The following CNBD2 variants were observed in gnomAD, a reference collection of about 807,000 sequenced individuals.
CNBD2 encodes the protein cyclic nucleotide binding domain containing 2.
In CNBD2, 64 loss-of-function variants were observed where a neutral mutation model predicts 63.7. The observed-to-expected ratio is 1.00, with a 90% CI of 0.82 to 1.24. The LOEUF (loss-of-function observed/expected upper bound fraction) is 1.24. CNBD2 is among the 50% of genes most tolerant of loss of function. The probability of loss-of-function intolerance (pLI) is 0.00; values close to 1 mark genes in which losing one functional copy is unlikely to be tolerated. For synonymous variants in CNBD2, 229 were observed against 255.4 expected, an observed-to-expected ratio of 0.90 and a Z score of 0.99; for missense variants, 691 against 713.5, an observed-to-expected ratio of 0.97 and a Z score of 0.36.
At chr20:35,990,742 G>A (rs1358157700) in intron 7 of CNBD2, among the ~76,000 whole-genome samples, 1 of 152,140 alleles carries the variant, frequency 6.6e-6, no homozygotes, top group African/African-American at 2.4e-5. Flanking sequence ...CTTGAGGCCA[G>A]GGGTTTGAGA....
Position 36,011,237 on chromosome 20 carries a change from G to A in CNBD2, c.1249G>A (p.Val417Met), listed in dbSNP as rs1247166487. The change falls in exon 10 of 12, where the codon GTG (valine) becomes ATG (methionine). Residue 417 changes from valine (V) to methionine (M), a missense_variant. By Grantham distance (21) the Val-to-Met change is conservative. Coordinates refer to ENST00000373973, the MANE Select transcript of CNBD2 (RefSeq NM_001365709.1). ...AVGAYVKVHT[V>M]EQGEILGLHQ... ...GGGGGCCTACGTGAAGGTGCACACTGTGGAGCAGGGAGAAATTTTGGTGAG... is the reference window on the plus strand; with the variant it reads ...GGGGGCCTACGTGAAGGTGCACACTATGGAGCAGGGAGAAATTTTGGTGAG... The A allele has an allele frequency of 1.9e-6, 3 of 1,568,984 alleles. No homozygotes were observed. Among genetic ancestry groups the A allele is most frequent in the Non-Finnish European group, 2.6e-6 (3 of 1,156,462 alleles).
chr20:36,017,889 C>T (rs2057156633), intron 10 of CNBD2, among the ~76,000 whole-genome samples: 1 of 152,238 alleles, frequency 6.6e-6, no homozygotes, highest in Admixed American at 6.5e-5. Flanking sequence ...TCACCTGCCT[C>T]CCAGCCTCCA....
upstream of CNBD2, chr20:35,954,706 A>T: frequency 5.8e-6 from 6 of 1,042,610 alleles, no homozygotes; most frequent in Non-Finnish European, 7.6e-6. Context: ...ATGTTTGGAG[A>T]TAGACTTCAA....
rs372470547 is a variant in CNBD2 at position 36,030,586 on chromosome 20, C to G, written c.1669C>G (p.Pro557Ala). 34 of 1,614,156 alleles carry G rather than the reference C, an allele frequency of 2.1e-5. 1 individual carries two copies. The South Asian group carries it at 2.5e-4, about 12-fold the overall frequency. ...TATGGCACCCCAGAAATACCTCCCC[C>G]CATTGAGGATTGTCCAAGCCATCAA... is the stretch of plus-strand genomic sequence containing the variant. ...IFMAPQKYLP[P>A]LRIVQAIKAP... Residue 557 changes from proline to alanine, a missense_variant, in exon 12 of 12, where the codon CCA becomes GCA. By Grantham distance (27) the Pro-to-Ala change is conservative. Coordinates refer to ENST00000373973, the MANE Select transcript of CNBD2 (RefSeq NM_001365709.1).
chr20:35,998,640 G>T (rs983107948), intron 8 of CNBD2, among the ~76,000 whole-genome samples: 1 of 151,766 alleles, frequency 6.6e-6, no homozygotes, highest in South Asian at 2.1e-4. Context: ...AGGCCAAGGC[G>T]GGCAGATCAC....
rs142435660 is a variant in CNBD2 at position 35,998,068 on chromosome 20, G to C, written c.970+2916G>C. Among the ~76,000 whole-genome samples, 428 of 138,622 alleles carry C rather than the reference G, an allele frequency of 3.1e-3. 3 individuals carry two copies. The highest frequency in any genetic ancestry group is 0.011 in the African/African-American group (412 of 36,486). 90.9% of individuals were successfully genotyped at this position (138,622 alleles called of 152,430 possible). ...TTTTTTTTTTTTTTTTTGAGAGGGAGTCTCGCTCTGTCACCCAGGCTGGAG... is the reference window on the plus strand; with the variant it reads ...TTTTTTTTTTTTTTTTTGAGAGGGACTCTCGCTCTGTCACCCAGGCTGGAG... On this transcript the variant is annotated intron_variant, in intron 8 of 11. Coordinates refer to ENST00000373973, the MANE Select transcript of CNBD2 (RefSeq NM_001365709.1).
intron 8 of CNBD2, among the ~76,000 whole-genome samples, chr20:35,996,979 T>A (rs1370029003): frequency 1.3e-5 from 2 of 152,224 alleles, no homozygotes; most frequent in African/African-American, 4.8e-5. Context: ...TTCTTCATTC[T>A]CCATTTCCTG....
intron 8 of CNBD2, among the ~76,000 whole-genome samples, chr20:36,001,386 C>T (rs2056898814): frequency 6.7e-6 from 1 of 148,272 alleles, no homozygotes; most frequent in Non-Finnish European, 1.5e-5. Flanking sequence ...CCACCTCCCT[C>T]CCGGACAGGG....
chr20:35,954,593 T>G, upstream of CNBD2: 2 of 1,407,508 alleles, frequency 1.4e-6, no homozygotes, highest in Non-Finnish European at 1.9e-6. Context: ...AGGCGGCTGC[T>G]GCCCTCGCGG....
chr20:35,956,728 G>A (rs1334369066), downstream of CNBD2, among the ~76,000 whole-genome samples: 1 of 152,126 alleles, frequency 6.6e-6, no homozygotes, highest in Non-Finnish European at 1.5e-5. Flanking sequence ...CAGTTTCTAG[G>A]CCTAAGGGAG....
chr20:35,960,501 C>T, intron 2 of CNBD2, among the ~76,000 whole-genome samples: 1 of 152,190 alleles, frequency 6.6e-6, no homozygotes, highest in East Asian at 1.9e-4. Context: ...CGCCATGCCC[C>T]ACTAATTGTT....
upstream of CNBD2, among the ~76,000 whole-genome samples, chr20:35,966,373 G>A (rs2056344951): frequency 6.6e-6 from 1 of 152,082 alleles, no homozygotes; most frequent in Admixed American, 6.6e-5. Context: ...TGAACTCAGT[G>A]TCCTTCTGTC....
downstream of CNBD2, chr20:35,959,503 A>T (rs1404517845): frequency 6.6e-6 from 1 of 152,344 alleles, no homozygotes; most frequent in East Asian, 1.9e-4. Context: ...GGCAGACAGA[A>T]TGAGAAAGTG....
At chr20:36,027,448 AT>A (rs946656998) in intron 11 of CNBD2, among the ~76,000 whole-genome samples, 1 of 152,162 alleles carries the variant, frequency 6.6e-6, no homozygotes, top group Non-Finnish European at 1.5e-5. Context: ...GTAGATCAGT[AT>A]TTTTTAAAGT....
upstream of CNBD2, chr20:35,954,573 G>C: frequency 1.4e-6 from 2 of 1,456,916 alleles, no homozygotes; most frequent in Non-Finnish European, 1.8e-6. Context: ...TAGCGTTCTC[G>C]AGTCGCATGA....
intron 2 of CNBD2, chr20:35,973,954 A>T (rs562325872): frequency 1.3e-5 from 2 of 150,694 alleles, no homozygotes; most frequent in East Asian, 3.9e-4. Context: ...GCCAGTCCCC[A>T]CTCCTCTGCA....
At chr20:36,025,523 T>TG (rs1163652167) in intron 11 of CNBD2, among the ~76,000 whole-genome samples, 2 of 152,072 alleles carry the variant, frequency 1.3e-5, no homozygotes, top group Non-Finnish European at 2.9e-5. Context: ...TTTGTAGAGA[T>TG]GGGGGTCTCA....
At chr20:35,970,950 CTT>C (rs539363959) in intron 1 of CNBD2, among the ~76,000 whole-genome samples, 14 of 136,684 alleles carry the variant, frequency 1.0e-4, no homozygotes, top group Admixed American at 2.2e-4. Context: ...TTTTCTTTTT[CTT>C]TTTTTTTTTT....
intron 3 of CNBD2, among the ~76,000 whole-genome samples, chr20:35,979,543 C>A (rs1255858240): frequency 6.6e-6 from 1 of 152,248 alleles, no homozygotes; most frequent in African/African-American, 2.4e-5. Flanking sequence ...TAGGCATGAG[C>A]CACTGTGCCC....
Sources: allele counts gnomAD v4.1 joint callset (sites outside exome capture counted in the v4.1 genomes callset), GRCh38; gene constraint gnomAD v4.1.1; transcripts MANE v1.5; gene names NCBI Gene and HGNC (gene_info 2026-07-23, HGNC 2026-07-21).